The following UBE4A variants were observed in gnomAD, a reference collection of about 807,000 sequenced individuals.
UBE4A encodes the protein ubiquitin conjugation factor E4 A.
In UBE4A, 48 loss-of-function variants were observed where a neutral mutation model predicts 117.9. The ratio of observed to expected loss-of-function variants is 0.41; its 90% CI spans 0.32 to 0.52. The LOEUF (loss-of-function observed/expected upper bound fraction) is 0.52. Ranked by LOEUF, UBE4A falls within the 20% of genes least tolerant of loss-of-function variation. The pLI is 0.33. For synonymous variants in UBE4A, 407 were observed against 450.0 expected (o/e 0.90, Z 1.21); for missense variants, 1,067 against 1,296.3 (o/e 0.82, Z 2.72).
chr11:118,387,730 A>G (rs961142691), intron 16 of UBE4A, among the ~76,000 whole-genome samples: 9 of 152,230 alleles, frequency 5.9e-5, no homozygotes, highest in African/African-American at 1.9e-4. Flanking sequence ...ATGTTACCAT[A>G]GTTTAAGTAT....
intron 19 of UBE4A, among the ~76,000 whole-genome samples, chr11:118,394,797 T>C (rs906189106): frequency 1.3e-5 from 2 of 151,634 alleles, no homozygotes; most frequent in African/African-American, 2.4e-5. Flanking sequence ...AATTAAGTTA[T>C]ATCTCTACAA....
intron 1 of UBE4A, among the ~76,000 whole-genome samples, chr11:118,363,541 G>C (rs987077965): frequency 6.6e-6 from 1 of 151,054 alleles, no homozygotes; most frequent in African/African-American, 2.4e-5. Flanking sequence ...CCTCAGAATT[G>C]TCAAGAAATG....
At chr11:118,379,791 T>G in intron 11 of UBE4A, 41 bp downstream of exon 11, 2 of 1,571,152 alleles carry the variant, frequency 1.3e-6, no homozygotes, top group Non-Finnish European at 1.7e-6. Flanking sequence ...TTTATAGCCT[T>G]CTGAGTTTAA....
intron 18 of UBE4A, among the ~76,000 whole-genome samples, chr11:118,391,738 G>A (rs1203973733): frequency 6.7e-6 from 1 of 149,754 alleles, no homozygotes; most frequent in Non-Finnish European, 1.5e-5. Flanking sequence ...AGCTTGCAGT[G>A]AGCCAAGATA....
intron 10 of UBE4A, among the ~76,000 whole-genome samples, chr11:118,377,210 G>C (rs769343981): frequency 2.6e-5 from 4 of 151,994 alleles, no homozygotes; most frequent in African/African-American, 9.7e-5. Flanking sequence ...AACTTTTATC[G>C]TTGTCGTTGT....
At chr11:118,380,130 T>TGC (rs782224954) in intron 11 of UBE4A, among the ~76,000 whole-genome samples, 124 of 67,826 alleles carry the variant, frequency 1.8e-3, no homozygotes, top group Non-Finnish European at 2.9e-3. Context: ...TGTGTGTGTG[T>TGC]GTGCGTGTGT....
intron 8 of UBE4A, 64 bp from the exon 9 acceptor site, chr11:118,374,832 G>C: frequency 7.1e-7 from 1 of 1,406,544 alleles, no homozygotes; most frequent in Non-Finnish European, 9.3e-7. Context: ...CAGTTGCTAA[G>C]GTTTGGGAAT....
chr11:118,362,873 C>T (rs1948531329), intron 1 of UBE4A, among the ~76,000 whole-genome samples: 2 of 152,298 alleles, frequency 1.3e-5, no homozygotes, highest in South Asian at 4.1e-4. Context: ...TCTTTTTAGC[C>T]TGGCCAGACT....
chr11:118,380,065 C>T lies in UBE4A; in HGVS notation c.1876+315C>T, dbSNP rs142365251. Among the ~76,000 whole-genome samples the T allele has an allele frequency of 4.7e-4, 71 of 151,530 alleles. No homozygotes were observed. In the Middle Eastern group the frequency reaches 0.014, roughly 29 times the overall value. ...TACACATTCATCTAACTTTCCCTGTCCTTTTTGTAGAAAAAAAATTAGCTC... is the reference window on the plus strand; with the variant it reads ...TACACATTCATCTAACTTTCCCTGTTCTTTTTGTAGAAAAAAAATTAGCTC... On this transcript the variant is annotated intron_variant, in intron 11 of 19. Coordinates refer to ENST00000252108, the MANE Select transcript of UBE4A (RefSeq NM_001204077.2).
chr11:118,376,008 A>G (rs1192085240), intron 9 of UBE4A, among the ~76,000 whole-genome samples: 1 of 152,204 alleles, frequency 6.6e-6, no homozygotes, highest in Non-Finnish European at 1.5e-5. Context: ...TACAGAGAGA[A>G]AAGCAAGTGT....
chr11:118,384,620 C>T lies in UBE4A; in HGVS notation c.2198-15C>T, dbSNP rs781858895. ...GCACCGCCTTTGCTGATATTTCGCT[C>T]TTGCCTTACTCCAGGAGACCCCCAT... is the stretch of plus-strand genomic sequence containing the variant. On this transcript the variant is annotated splice_polypyrimidine_tract_variant and intron_variant, in intron 13 of 19. Transcript: ENST00000252108. 1.4e-5 allele frequency: 23 copies of T among 1,611,434 alleles called. No individual in the cohort carries two copies. The highest frequency in any genetic ancestry group is 1.7e-5 in the Non-Finnish European group (20 of 1,177,848).
rs1302948297 is a variant in UBE4A, at chr11:118,398,636, A to C, written c.*2196A>C. 1 of 152,870 alleles carries C rather than the reference A, an allele frequency of 6.5e-6. No homozygotes were observed. The highest frequency in any genetic ancestry group is 2.4e-5 in the African/African-American group (1 of 41,462). 9.5% of individuals were successfully genotyped at this position (152,870 alleles called of 1,614,324 possible). On this transcript the variant is annotated 3_prime_UTR_variant, in exon 20 of 20. Transcript: ENST00000252108. ...GAAGCAGCTCTAAATCTAGTAGAGC[A>C]GACTTTCTAACATACCTAGTTTTGT...
chr11:118,373,684 A>G lies in UBE4A; in HGVS notation c.1115A>G (p.Gln372Arg). ...AAAGTACAGGAGGCCAACATCCATC[A>G]GGTGGAACTGTTTACCAGGGTATCC... is the stretch of plus-strand genomic sequence containing the variant. ...EIKVQEANIH[Q>R]FMAQFHEKIY... The change falls in exon 8 of 20, where the codon CAG becomes CGG. Residue 372 changes from glutamine (Q) to arginine (R), a missense_variant and splice_region_variant. By Grantham distance (43) the Gln-to-Arg change is conservative (BLOSUM62 1). Transcript: ENST00000252108. 6.2e-7 allele frequency: 1 copy of G among 1,613,196 alleles called. No individual in the cohort carries two copies. The highest frequency in any genetic ancestry group is 8.5e-7 in the Non-Finnish European group (1 of 1,179,572).
At chr11:118,380,162 TGTGTGTG>T (rs1948691643) in intron 11 of UBE4A, among the ~76,000 whole-genome samples, 1 of 146,346 alleles carries the variant, frequency 6.8e-6, no homozygotes, top group African/African-American at 2.6e-5. Flanking sequence ...TGTGTGTGTG[TGTGTGTG>T]TGTGTGTCAG....
chr11:118,383,742 A>G (rs1455985656), intron 13 of UBE4A, among the ~76,000 whole-genome samples: 3 of 152,162 alleles, frequency 2.0e-5, no homozygotes, highest in Non-Finnish European at 4.4e-5. Context: ...GATATCTACC[A>G]TCCAATGATA....
intron 7 of UBE4A, 29 bp downstream of exon 7, chr11:118,373,317 T>C: frequency 6.2e-7 from 1 of 1,606,110 alleles, no homozygotes; most frequent in African/African-American, 1.3e-5. Flanking sequence ...ATGTATTCAG[T>C]TGAGCTAGAT....
intron 1 of UBE4A, among the ~76,000 whole-genome samples, chr11:118,362,296 G>C (rs1057448636): frequency 2.6e-5 from 4 of 151,990 alleles, no homozygotes; most frequent in Non-Finnish European, 4.4e-5. Context: ...CTAATTTTTT[G>C]TGTGTTTTAA....
intron 2 of UBE4A, among the ~76,000 whole-genome samples, chr11:118,366,736 G>T (rs1186185814): frequency 6.6e-6 from 1 of 152,210 alleles, no homozygotes; most frequent in Non-Finnish European, 1.5e-5. Context: ...CTCATATGTG[G>T]CATATAGTGA....
At chr11:118,381,307 G>A in intron 11 of UBE4A, 84 bp from the exon 12 acceptor site, 5 of 1,509,364 alleles carry the variant, frequency 3.3e-6, no homozygotes, top group Non-Finnish European at 4.5e-6. Flanking sequence ...CCTTCATTAA[G>A]TAGGGTGAAA....
Sources: gnomAD v4.1 joint callset for allele counts (sites outside exome capture counted in the v4.1 genomes callset) on GRCh38, gnomAD v4.1.1 for gene constraint, MANE v1.5 for transcripts, NCBI Gene and HGNC (gene_info 2026-07-23, HGNC 2026-07-21) for gene names.